The following SSBP3 variants were observed in gnomAD, a reference collection of about 807,000 sequenced individuals.
SSBP3 encodes the protein single stranded DNA binding protein 3, also known as single-stranded DNA-binding protein 3.
A neutral mutation model predicts 69.6 loss-of-function variants in SSBP3; 5 were observed. That is an observed-to-expected ratio of 0.07 (90% CI 0.04 to 0.15). SSBP3 has a LOEUF of 0.15. SSBP3 is among the 10% of genes least tolerant of loss of function. The pLI is 1.00. For missense variants in SSBP3, 312 were observed against 534.0 expected (o/e 0.58, Z 4.10); for synonymous variants, 196 against 193.4 (o/e 1.01, Z -0.11).
chr1:54,366,782 C>CT (rs796681091), intron 4 of SSBP3, among the ~76,000 whole-genome samples: 4 of 152,276 alleles, frequency 2.6e-5, no homozygotes, highest in African/African-American at 9.6e-5. Flanking sequence ...TCATGTTAAA[C>CT]TTACCTCCTA....
chr1:54,396,195 A>C (rs1371489529), intron 4 of SSBP3, among the ~76,000 whole-genome samples: 1 of 89,792 alleles, frequency 1.1e-5, no homozygotes, highest in Non-Finnish European at 2.1e-5. Flanking sequence ...CCATCTCAGA[A>C]AAAAAAAAAA....
At chr1:54,323,603 GGGCCGAGAGAA>G (rs1646252169) in intron 4 of SSBP3, among the ~76,000 whole-genome samples, 1 of 152,242 alleles carries the variant, frequency 6.6e-6, no homozygotes, top group African/African-American at 2.4e-5. Flanking sequence ...AGTGAAGGAA[GGGCCGAGAGAA>G]GGCCAGCAGA....
intron 4 of SSBP3, among the ~76,000 whole-genome samples, chr1:54,348,247 C>CGGGGGGGGGGGGG (rs34214298): frequency 2.5e-5 from 1 of 39,332 alleles, no homozygotes; most frequent in African/African-American, 8.6e-5. Flanking sequence ...GCATGGGGGG[C>CGGGGGGGGGGGGG]GGGGGGGGGG....
intron 4 of SSBP3, chr1:54,286,227 T>C (rs10788977): frequency 0.3 from 44,930 of 152,074 alleles, 6,809 homozygotes; most frequent in South Asian, 0.44. Context: ...TTATCCACTT[T>C]TTGGACTCAA....
chr1:54,359,208 C>CAAAAAA (rs56901465), intron 4 of SSBP3, among the ~76,000 whole-genome samples: 1 of 75,448 alleles, frequency 1.3e-5, no homozygotes, highest in African/African-American at 4.7e-5. Context: ...ACCCTCCCCT[C>CAAAAAA]AAAAAAAAAA....
In SSBP3 at chr1:54,312,725, A is replaced by G. The variant is rs1342542387; in HGVS notation, c.277-31198T>C. On this transcript the variant is annotated intron_variant, in intron 4 of 17. Transcript: ENST00000610401. ...CAAGTCCTGAGGCCAGTGTTCAGAC[A>G]AGACCACCACAGCCATGTCAGGGGG... is the stretch of plus-strand genomic sequence containing the variant. 1.5e-4 allele frequency among the ~76,000 whole-genome samples: 23 copies of G among 152,166 alleles called. 1 individual carries two copies. The highest frequency in any genetic ancestry group is 1.2e-3 in the Admixed American group (18 of 15,284).
At chr1:54,262,082 G>A (rs1645025810) in intron 5 of SSBP3, among the ~76,000 whole-genome samples, 1 of 152,188 alleles carries the variant, frequency 6.6e-6, no homozygotes, top group East Asian at 1.9e-4. Flanking sequence ...AAGAAATAGG[G>A]TTTGGAAGGA....
intron 14 of SSBP3, among the ~76,000 whole-genome samples, chr1:54,230,552 C>G (rs1644363513): frequency 1.3e-5 from 2 of 151,924 alleles, no homozygotes; most frequent in African/African-American, 4.8e-5. Flanking sequence ...TATAACTGAC[C>G]CATTTAAGTA....
At chr1:54,289,122 A>G (rs1645557937) in intron 4 of SSBP3, among the ~76,000 whole-genome samples, 1 of 151,996 alleles carries the variant, frequency 6.6e-6, no homozygotes, top group African/African-American at 2.4e-5. Context: ...CTCTTATGAA[A>G]AGAAATAGCC....
At chr1:54,272,553 AAG>A in intron 5 of SSBP3, among the ~76,000 whole-genome samples, 1 of 152,016 alleles carries the variant, frequency 6.6e-6, no homozygotes, top group South Asian at 2.1e-4. Flanking sequence ...GGACAGGAGC[AAG>A]AGAGTCCACC....
chr1:54,367,818 T>C lies in SSBP3; in HGVS notation c.276+34043A>G, dbSNP rs527496062. Among the ~76,000 whole-genome samples, 24 of 152,354 alleles carry C rather than the reference T, an allele frequency of 1.6e-4. No individual in the cohort carries two copies. The South Asian group carries it at 4.8e-3, about 30-fold the overall frequency. ...GGACCAACAACTTTACACATAAGAA[T>C]ACCATTGTGTTTATGTGCACAAACA... On this transcript the variant is annotated intron_variant, in intron 4 of 17. Transcript: ENST00000610401.
At chr1:54,331,344 G>A (rs1033448348) in intron 4 of SSBP3, among the ~76,000 whole-genome samples, 5 of 152,138 alleles carry the variant, frequency 3.3e-5, no homozygotes, top group African/African-American at 7.2e-5. Context: ...GAAAAAGCTC[G>A]CCCTTCACGT....
intron 7 of SSBP3, chr1:54,255,631 C>T (rs529919610): frequency 6.6e-6 from 1 of 152,296 alleles, no homozygotes; most frequent in Admixed American, 6.5e-5. Flanking sequence ...ATCCAGGGAT[C>T]CCTTCTTTTG....
At chr1:54,317,877 T>C (rs1646142490) in intron 4 of SSBP3, among the ~76,000 whole-genome samples, 7 of 152,224 alleles carry the variant, frequency 4.6e-5, no homozygotes, top group Admixed American at 4.6e-4. Context: ...GTGATTCTCC[T>C]GCCTCAGCCT....
At chr1:54,358,131 G>C (rs1646896862) in intron 4 of SSBP3, among the ~76,000 whole-genome samples, 1 of 152,196 alleles carries the variant, frequency 6.6e-6, no homozygotes, top group African/African-American at 2.4e-5. Flanking sequence ...TAACCCACCA[G>C]ATGGGCAGGC....
intron 4 of SSBP3, among the ~76,000 whole-genome samples, chr1:54,353,672 G>T (rs559259777): frequency 6.6e-6 from 1 of 152,156 alleles, no homozygotes; most frequent in African/African-American, 2.4e-5. Flanking sequence ...GGCTGCTCTC[G>T]AGGGCTGGCC....
intron 9 of SSBP3, among the ~76,000 whole-genome samples, chr1:54,245,010 A>C (rs978523107): frequency 6.6e-6 from 1 of 152,058 alleles, no homozygotes; most frequent in Non-Finnish European, 1.5e-5. Flanking sequence ...CACCCCATGC[A>C]CCCAGTGGCA....
intron 5 of SSBP3, among the ~76,000 whole-genome samples, chr1:54,275,733 T>C (rs193047898): frequency 6.6e-6 from 1 of 152,216 alleles, no homozygotes; most frequent in Non-Finnish European, 1.5e-5. Context: ...ATGATTCAAA[T>C]TGGCTTCCCT....
intron 4 of SSBP3, among the ~76,000 whole-genome samples, chr1:54,334,256 G>A (rs1197818823): frequency 6.6e-6 from 1 of 151,474 alleles, no homozygotes; most frequent in African/African-American, 2.4e-5. Flanking sequence ...GGAGGCTGAG[G>A]CAGGAGAATC....
Sources: gnomAD v4.1 joint callset for allele counts (sites outside exome capture counted in the v4.1 genomes callset) on GRCh38, gnomAD v4.1.1 for gene constraint, MANE v1.5 for transcripts, NCBI Gene and HGNC (gene_info 2026-07-23, HGNC 2026-07-21) for gene names.